The following HS3ST3A1 variants were observed in gnomAD, a reference collection of about 807,000 sequenced individuals.
The protein encoded by HS3ST3A1 is heparan sulfate glucosamine 3-O-sulfotransferase 3A1.
In HS3ST3A1, 19 loss-of-function variants were observed where a neutral mutation model predicts 25.7. That is an observed-to-expected ratio of 0.74 (90% CI 0.52 to 1.08). The LOEUF (loss-of-function observed/expected upper bound fraction) is 1.08. HS3ST3A1 is among the 50% of genes least tolerant of loss of function. The pLI, the probability that HS3ST3A1 is intolerant of heterozygous loss-of-function variation, is 0.00. For missense variants in HS3ST3A1, 459 were observed against 594.3 expected (o/e 0.77, Z 2.37); for synonymous variants, 226 against 278.6 (o/e 0.81, Z 1.88).
chr17:13,524,773 T>G (rs1236905892), intron 1 of HS3ST3A1, among the ~76,000 whole-genome samples: 1 of 152,168 alleles, frequency 6.6e-6, no homozygotes, highest in Non-Finnish European at 1.5e-5. Context: ...AGGAACTTTC[T>G]GCAAAATTTA....
At chr17:13,547,385 G>A (rs776071489) in intron 1 of HS3ST3A1, among the ~76,000 whole-genome samples, 26 of 152,164 alleles carry the variant, frequency 1.7e-4, no homozygotes, top group Admixed American at 5.9e-4. Flanking sequence ...CCATTAGGGA[G>A]TTGGAACTTT....
chr17:13,541,516 C>T (rs1906932436), intron 1 of HS3ST3A1, among the ~76,000 whole-genome samples: 1 of 152,254 alleles, frequency 6.6e-6, no homozygotes, highest in Admixed American at 6.5e-5. Context: ...TCCACCTTCC[C>T]AAACACATTC....
chr17:13,523,832 GTTA>G (rs1157870331), intron 1 of HS3ST3A1, among the ~76,000 whole-genome samples: 1 of 151,810 alleles, frequency 6.6e-6, no homozygotes, highest in African/African-American at 2.4e-5. Context: ...TAATTTCTTT[GTTA>G]TTTTTGGCCG....
intron 1 of HS3ST3A1, among the ~76,000 whole-genome samples, chr17:13,518,445 T>G (rs1457223175): frequency 6.6e-6 from 1 of 152,176 alleles, no homozygotes; most frequent in African/African-American, 2.4e-5. Flanking sequence ...AAACAGGCAA[T>G]AAAAAAATGT....
intron 1 of HS3ST3A1, among the ~76,000 whole-genome samples, chr17:13,563,825 C>T (rs1003756062): frequency 2.6e-5 from 4 of 152,150 alleles, no homozygotes; most frequent in Admixed American, 6.6e-5. Flanking sequence ...TCCTGATACA[C>T]GTTTCTGTAC....
rs140071968 is a variant in HS3ST3A1, at chr17:13,494,273, C to T, written c.*1924G>A. Among the ~76,000 whole-genome samples the T allele has an allele frequency of 1.2e-3, 184 of 152,252 alleles. 2 individuals are homozygous for T. In the South Asian group the frequency reaches 0.013, roughly 11 times the overall value. ...GTCTGTGGCACTGGGAAATTGAGAG[C>T]ATAGACATGAAGGAAATCAACTGAA... On this transcript the variant is annotated 3_prime_UTR_variant, in exon 2 of 2. Coordinates refer to ENST00000284110, the MANE Select transcript of HS3ST3A1 (RefSeq NM_006042.3).
intron 1 of HS3ST3A1, among the ~76,000 whole-genome samples, chr17:13,538,947 G>A (rs1906847942): frequency 6.6e-6 from 1 of 152,178 alleles, no homozygotes; most frequent in African/African-American, 2.4e-5. Flanking sequence ...CTGAAATTTA[G>A]AAAGGGCTCA....
At chr17:13,540,157 G>T (rs974015519) in intron 1 of HS3ST3A1, among the ~76,000 whole-genome samples, 52 of 152,288 alleles carry the variant, frequency 3.4e-4, no homozygotes, top group Middle Eastern at 3.4e-3. Context: ...TCTAATTTCT[G>T]ATTGACCTCT....
chr17:13,516,950 T>C (rs1016572437), intron 1 of HS3ST3A1, among the ~76,000 whole-genome samples: 1 of 152,080 alleles, frequency 6.6e-6, no homozygotes, highest in African/African-American at 2.4e-5. Context: ...CCTCCTAAAG[T>C]GCTGGGATTA....
chr17:13,569,239 C>G (rs1379123633), intron 1 of HS3ST3A1, among the ~76,000 whole-genome samples: 4 of 152,148 alleles, frequency 2.6e-5, no homozygotes, highest in Non-Finnish European at 5.9e-5. Context: ...GGCAGGATTT[C>G]CTTACTTTGA....
At chr17:13,526,086 A>G (rs766480655) in intron 1 of HS3ST3A1, among the ~76,000 whole-genome samples, 5 of 151,884 alleles carry the variant, frequency 3.3e-5, no homozygotes, top group Admixed American at 2.6e-4. Flanking sequence ...CTGCTTGTTC[A>G]GTCCTGGCCC....
intron 1 of HS3ST3A1, among the ~76,000 whole-genome samples, chr17:13,507,367 C>T (rs1373527961): frequency 6.6e-6 from 1 of 152,176 alleles, no homozygotes; most frequent in Non-Finnish European, 1.5e-5. Flanking sequence ...TCCAAGCACA[C>T]ATAGTTGCTA....
At chr17:13,536,276 T>G (rs1906767409) in intron 1 of HS3ST3A1, among the ~76,000 whole-genome samples, 1 of 150,184 alleles carries the variant, frequency 6.7e-6, no homozygotes, top group Admixed American at 6.6e-5. Context: ...CTTATGCTAT[T>G]TTTTAAAATT....
At chr17:13,582,409 C>T (rs1040912960) in intron 1 of HS3ST3A1, among the ~76,000 whole-genome samples, 2 of 152,084 alleles carry the variant, frequency 1.3e-5, no homozygotes, top group African/African-American at 4.8e-5. Context: ...TTTAAAAGGG[C>T]AATAATTTTG....
At chr17:13,574,902 T>G (rs1460495571) in intron 1 of HS3ST3A1, among the ~76,000 whole-genome samples, 1 of 152,036 alleles carries the variant, frequency 6.6e-6, no homozygotes, top group East Asian at 1.9e-4. Flanking sequence ...TTCTTTCCCA[T>G]CTCACCTTGA....
chr17:13,562,174 A>G (rs1598427102), intron 1 of HS3ST3A1, among the ~76,000 whole-genome samples: 1 of 152,210 alleles, frequency 6.6e-6, no homozygotes, highest in East Asian at 1.9e-4. Context: ...TTTTTGGAAT[A>G]GGCAAGCAGT....
Position 13,589,940 on chromosome 17 carries a change from T to G in HS3ST3A1, c.599+10591A>C, listed in dbSNP as rs142158801. ...CCATAACAAACACATCATTTTTGAC[T>G]TTGTCATTCAAACCAGCCTGGCAAC... On this transcript the variant is annotated intron_variant, in intron 1 of 1. Coordinates refer to ENST00000284110, the MANE Select transcript of HS3ST3A1 (RefSeq NM_006042.3). Among the ~76,000 whole-genome samples the G allele has an allele frequency of 7.2e-3, 1,096 of 152,324 alleles. 12 individuals carry two copies. The highest frequency in any genetic ancestry group is 0.025 in the African/African-American group (1,055 of 41,568).
chr17:13,552,570 C>T (rs1187751099), intron 1 of HS3ST3A1, among the ~76,000 whole-genome samples: 1 of 152,188 alleles, frequency 6.6e-6, no homozygotes, highest in Non-Finnish European at 1.5e-5. Flanking sequence ...CTGGCTTTGG[C>T]TCTGTCACCT....
intron 1 of HS3ST3A1, among the ~76,000 whole-genome samples, chr17:13,587,609 A>C (rs1376105749): frequency 1.3e-5 from 2 of 152,094 alleles, no homozygotes; most frequent in Non-Finnish European, 2.9e-5. Flanking sequence ...TACCCCTACT[A>C]CTCCTAAATG....
Sources: allele counts gnomAD v4.1 joint callset (sites outside exome capture counted in the v4.1 genomes callset), GRCh38; gene constraint gnomAD v4.1.1; transcripts MANE v1.5; gene names NCBI Gene and HGNC (gene_info 2026-07-23, HGNC 2026-07-21).